RPS13: variants seen among roughly 807,000 people sequenced by gnomAD.
The protein encoded by RPS13 is ribosomal protein S13, also known as small ribosomal subunit protein uS15.
Under a neutral mutation model 24.6 loss-of-function variants are expected in RPS13, and 1 was observed. The observed-to-expected ratio is 0.04, with a 90% confidence interval of 0.01 to 0.19. The LOEUF is 0.19. Among genes scored for constraint, RPS13 ranks in the 10% least tolerant of loss-of-function variants. The pLI is 1.00. For synonymous variants in RPS13, 69 were observed against 65.3 expected, an observed-to-expected ratio of 1.06 and a Z score of -0.27; for missense variants, 88 against 187.4, an observed-to-expected ratio of 0.47 and a Z score of 3.10.
intron 3 of RPS13, 173 bp from the exon 4 acceptor site, chr11:17,075,796 GA>G (rs1198637883): frequency 1.4e-6 from 1 of 697,332 alleles, no homozygotes; most frequent in South Asian, 1.5e-5. Context: ...GACATCCAAG[GA>G]AGGTTTACCC....
chr11:17,076,861 G>A, intron 3 of RPS13: 2 of 471,762 alleles, frequency 4.2e-6, no homozygotes, highest in South Asian at 2.7e-5. Flanking sequence ...ACTGTGTCAG[G>A]CACTCTGCTT....
At position 17,074,470 on chromosome 11, in the gene RPS13, A is replaced by C; in HGVS notation, c.423-4T>G. 1 of 1,610,144 alleles carries C rather than the reference A, an allele frequency of 6.2e-7. No individual in the cohort carries two copies. The highest frequency in any genetic ancestry group is 8.5e-7 in the Non-Finnish European group (1 of 1,176,680). On this transcript the variant is annotated splice_region_variant and splice_polypyrimidine_tract_variant and intron_variant, in intron 5 of 5. Transcript: ENST00000525634. The stretch of plus-strand genomic sequence containing the variant: ...GGCAGAGGCTGTAGATGATTCACTG[A>C]AAAAGAAAAAAGGGGAAAGAAAGAA...
chr11:17,077,553 C>T, intron 1 of RPS13, 66 bp downstream of exon 1: 2 of 1,612,130 alleles, frequency 1.2e-6, no homozygotes, highest in Non-Finnish European at 1.7e-6. Context: ...CCTCGGCCCG[C>T]TGCCCACACT....
chr11:17,076,776 T>A, intron 3 of RPS13: 1 of 317,194 alleles, frequency 3.2e-6, no homozygotes, highest in South Asian at 3.0e-5. Context: ...ACATAGAAGG[T>A]AAACATTTGC....
chr11:17,075,239 A>G (rs1218183772), intron 4 of RPS13, 42 bp from the exon 5 acceptor site: 1 of 1,347,442 alleles, frequency 7.4e-7, no homozygotes, highest in East Asian at 2.3e-5. Context: ...ACCACCCAAA[A>G]TGACCTAACA....
chr11:17,074,521 ACATT>A (rs1384566515), intron 5 of RPS13, 55 bp from the exon 6 acceptor site: 44 of 1,264,440 alleles, frequency 3.5e-5, no homozygotes, highest in East Asian at 2.3e-5. Flanking sequence ...TAGTCCCTCC[ACATT>A]CATTAACAGA....
chr11:17,075,337 C>G, intron 4 of RPS13, 117 bp downstream of exon 4: 1 of 996,134 alleles, frequency 1.0e-6, no homozygotes, highest in Non-Finnish European at 1.5e-6. Context: ...TTCAAAGCAG[C>G]ACTACACTGG....
chr11:17,074,986 G>A lies in RPS13; in HGVS notation c.422+111C>T, dbSNP rs1335833898. The A allele has an allele frequency of 4.0e-6, 3 of 749,410 alleles. No homozygotes were observed. In the East Asian group the frequency reaches 7.5e-5, roughly 19 times the overall value. 46.4% of individuals were successfully genotyped at this position (749,410 alleles called of 1,614,324 possible). Reference sequence around the variant, plus strand: ...GAGCAGTTAACAAAATAGCCCCCAAGGCTGAACATATTTACTACTAGCCCC... The same window carrying A: ...GAGCAGTTAACAAAATAGCCCCCAAAGCTGAACATATTTACTACTAGCCCC... On this transcript the variant is annotated intron_variant, in intron 5 of 5. Transcript: ENST00000525634.
chr11:17,077,610 C>A lies in RPS13; in HGVS notation c.23+9G>T. On this transcript the variant is annotated intron_variant, in intron 1 of 5. Transcript: ENST00000525634. ...CGCCCAGCAATCCGGCTTGATGCCC[C>A]GAGCTCACCCGGGAGCATGCATGCG... The A allele has an allele frequency of 6.7e-7, 1 of 1,496,458 alleles. No individual in the cohort carries two copies. The highest frequency in any genetic ancestry group is 1.1e-5 in the South Asian group (1 of 89,422). The allele number at this position is 1,496,458 out of a possible 1,614,324, so 92.7% of individuals were successfully genotyped here.
chr11:17,077,410 G>A lies in RPS13; in HGVS notation c.72+19C>T, dbSNP rs1848037793. 1.9e-6 allele frequency: 3 copies of A among 1,602,974 alleles called. No individual in the cohort carries two copies. Among genetic ancestry groups the A allele is most frequent in the Non-Finnish European group, 2.6e-6 (3 of 1,172,638 alleles). ...CAACCCCCTCCCCGGATTCTCCCCGGTCCCAGCGCGCTACTTACAGTGGGG... is the reference window on the plus strand; with the variant it reads ...CAACCCCCTCCCCGGATTCTCCCCGATCCCAGCGCGCTACTTACAGTGGGG... On this transcript the variant is annotated intron_variant, in intron 2 of 5. Transcript: ENST00000525634.
At chr11:17,074,811 T>C (rs886322828) in intron 5 of RPS13, 8 of 658,380 alleles carry the variant, frequency 1.2e-5, no homozygotes, top group African/African-American at 1.8e-5. Context: ...CTACCTACTA[T>C]CTAAAAGAGA....
At chr11:17,075,890 C>A in intron 3 of RPS13, 1 of 579,296 alleles carries the variant, frequency 1.7e-6, no homozygotes, top group Non-Finnish European at 3.2e-6. Context: ...TACAGATGAC[C>A]AAAGGGATTA....
chr11:17,074,585 T>C (rs1847996543), intron 5 of RPS13, 119 bp from the exon 6 acceptor site: 1 of 825,146 alleles, frequency 1.2e-6, no homozygotes, highest in Non-Finnish European at 2.1e-6. Flanking sequence ...ATCCAAACTA[T>C]ATAAAGTGCA....
intron 3 of RPS13, chr11:17,076,554 CAAAA>C (rs35594006): frequency 2.2e-3 from 760 of 338,462 alleles, no homozygotes; most frequent in East Asian, 4.9e-3. Flanking sequence ...AAGACTGTCT[CAAAA>C]AAAAAAAAAA....
At position 17,075,140 on chromosome 11, in the gene RPS13, G is replaced by C; in HGVS notation, c.379C>G (p.Arg127Gly). The change falls in exon 5 of 6, where the codon CGA becomes GGA. Residue 127 changes from arginine to glycine, a missense_variant. Transcript: ENST00000525634. ...LIESRIHRLARYYKTKRVLPP... is the reference protein window; with the variant it reads ...LIESRIHRLAGYYKTKRVLPP... ...AGGACTCGCTTGGTCTTATAATATC[G>C]AGCCAAACGGTGAATCCGGCTCTCT... The C allele has an allele frequency of 6.2e-7, 1 of 1,611,498 alleles. No homozygotes were observed. The highest frequency in any genetic ancestry group is 2.2e-5 in the East Asian group (1 of 44,834).
intron 3 of RPS13, 129 bp downstream of exon 3, chr11:17,077,039 A>T: frequency 1.4e-6 from 1 of 695,984 alleles, no homozygotes; most frequent in Non-Finnish European, 2.6e-6. Context: ...TGAAGTGCTT[A>T]CAATGATGCC....
At chr11:17,076,510 C>G in intron 3 of RPS13, 1 of 364,042 alleles carries the variant, frequency 2.7e-6, no homozygotes, top group South Asian at 2.0e-5. Context: ...GAGCTGAGAT[C>G]GCGCCACTGC....
intron 2 of RPS13, 40 bp from the exon 3 acceptor site, chr11:17,077,286 G>C (rs1848036320): frequency 6.3e-7 from 1 of 1,591,412 alleles, no homozygotes; most frequent in South Asian, 1.1e-5. Flanking sequence ...TGAGAACCCA[G>C]GAATGGCGCC....
intron 5 of RPS13, 176 bp from the exon 6 acceptor site, chr11:17,074,642 G>C (rs1286164542): frequency 2.8e-6 from 2 of 714,642 alleles, no homozygotes; most frequent in Admixed American, 4.0e-5. Flanking sequence ...CAAGCACAAT[G>C]AATGAAGATG....
Sources: gnomAD v4.1 joint callset for allele counts on GRCh38, gnomAD v4.1.1 for gene constraint, MANE v1.5 for transcripts, NCBI Gene and HGNC (gene_info 2026-07-23, HGNC 2026-07-21) for gene names.